Variants in FGFR4 observed in about 807,000 individuals in gnomAD.
FGFR4 encodes the protein hydroxyaryl-protein kinase.
FGFR4 carries 63 observed loss-of-function variants against 89.9 expected under a neutral mutation model. The ratio of observed to expected loss-of-function variants is 0.70; its 90% confidence interval spans 0.57 to 0.86. FGFR4 has a LOEUF of 0.86. FGFR4 is among the 40% of genes least tolerant of loss of function. The probability of loss-of-function intolerance (pLI) is 0.00; values close to 1 mark genes in which losing one functional copy is unlikely to be tolerated. For synonymous variants in FGFR4, 486 were observed against 479.4 expected (o/e 1.01, Z -0.18); for missense variants, 928 against 1,106.7 (o/e 0.84, Z 2.29).
chr5:177,096,677 G>C lies in FGFR4; in HGVS notation c.2089G>C (p.Glu697Gln), dbSNP rs1784576245. 2 of 1,610,698 alleles carry C rather than the reference G, an allele frequency of 1.2e-6. No homozygotes were observed. The highest frequency in any genetic ancestry group is 1.7e-5 in the Admixed American group (1 of 59,610). Residue 697 changes from glutamate to glutamine, a missense_variant, in exon 16 of 18, where the codon GAG becomes CAG. Glu to Gln is a conservative substitution (Grantham distance 29, BLOSUM62 2). Coordinates refer to ENST00000292408, the MANE Select transcript of FGFR4 (RefSeq NM_213647.3). ...GSPYPGIPVE[E>Q]LFSLLREGHR... The stretch of plus-strand genomic sequence containing the variant: ...CCCGTATCCTGGCATCCCGGTGGAG[G>C]AGCTGTTCTCGCTGCTGCGGGAGGG...
In FGFR4 at chr5:177,096,946, CTT is replaced by C. The variant is rs1562077763; in HGVS notation, c.2153+206_2153+207del. Among the ~76,000 whole-genome samples the C allele has an allele frequency of 3.5e-4, 36 of 104,244 alleles. 6 individuals are homozygous for C. The highest frequency in any genetic ancestry group is 1.2e-4 in the Non-Finnish European group (6 of 50,398). 68.4% of individuals were successfully genotyped at this position (104,244 alleles called of 152,430 possible). A position where few individuals can be genotyped will look rare whatever the true frequency, so the allele number is the denominator to read the frequency against. Reference sequence around the variant, plus strand: ...TCCTCCTCCTCTTCCTCCTCCTCCTCTTCCTCCTTCTCCTCCTGCTCCTCTTC... The same window carrying C: ...TCCTCCTCCTCTTCCTCCTCCTCCTCCCTCCTTCTCCTCCTGCTCCTCTTC... On this transcript the variant is annotated intron_variant, in intron 16 of 17. Coordinates refer to ENST00000292408, the MANE Select transcript of FGFR4 (RefSeq NM_213647.3).
chr5:177,087,837 G>C lies in FGFR4; in HGVS notation c.-54+760G>C, dbSNP rs1244136177. Among the ~76,000 whole-genome samples, 1 of 152,094 alleles carries C rather than the reference G, an allele frequency of 6.6e-6. No individual in the cohort carries two copies. Among genetic ancestry groups the C allele is most frequent in the Admixed American group, 6.5e-5 (1 of 15,268 alleles). ...ATGAGGGGCACAGAGGGATGGGCAA[G>C]AGAGCACATGTGCCCAGTTTTGAAA... On this transcript the variant is annotated intron_variant, in intron 1 of 17. Coordinates refer to ENST00000292408, the MANE Select transcript of FGFR4 (RefSeq NM_213647.3). This position sits in a 1 kb window ranked among gnomAD's most constrained non-coding sequence, Gnocchi z 6.1.
rs745557685 is a variant in FGFR4 at position 177,091,800 on chromosome 5, A to G, written c.719A>G (p.Asp240Gly). The change falls in exon 6 of 18, where the codon GAT (aspartate) becomes GGT (glycine). Residue 240 changes from aspartate (D) to glycine (G), a missense_variant. By Grantham distance (94) the Asp-to-Gly change is moderately conservative. Transcript: ENST00000292408. ...VGSIRYNYLL[D>G]VLERSPHRPI... ...AGCATCCGCTATAACTACCTGCTAG[A>G]TGTGCTGGGTGAGCGCGGGGCTGGG... The G allele has an allele frequency of 6.2e-7, 1 of 1,614,030 alleles. No homozygotes were observed. The highest frequency in any genetic ancestry group is 8.5e-7 in the Non-Finnish European group (1 of 1,179,974).
At chr5:177,091,469 G>T (rs934936479) in intron 5 of FGFR4, among the ~76,000 whole-genome samples, 8 of 152,254 alleles carry the variant, frequency 5.3e-5, no homozygotes, top group Admixed American at 1.3e-4. Context: ...CAGCTAGGGA[G>T]AGGGAGAGCT....
chr5:177,091,934 G>A (rs1784381993), intron 6 of FGFR4, 126 bp downstream of exon 6: 2 of 1,308,852 alleles, frequency 1.5e-6, no homozygotes, highest in African/African-American at 1.5e-5. Flanking sequence ...GAGCAGGTGG[G>A]TCAGGGGAAA....
At chr5:177,088,273 C>A (rs780685384) in intron 1 of FGFR4, 1 of 171,774 alleles carries the variant, frequency 5.8e-6, no homozygotes, top group Non-Finnish European at 1.3e-5. Context: ...AGGATGTTCT[C>A]GATCTCCTGA....
chr5:177,095,123 A>G lies in FGFR4; in HGVS notation c.1520-207A>G, dbSNP rs1050083797. ...CATCCTTGCAACTGCTGTGACAGGC[A>G]GGGTGTGACCCACTGCTCTGTTTCC... On this transcript the variant is annotated intron_variant, in intron 11 of 17. Transcript: ENST00000292408. The surrounding 1 kb of genome is among the most constrained non-coding windows in gnomAD (Gnocchi z 5.7). 6.9e-6 allele frequency: 4 copies of G among 577,004 alleles called. No individual in the cohort carries two copies. The highest frequency in any genetic ancestry group is 9.4e-6 in the Non-Finnish European group (3 of 319,340). 35.7% of individuals were successfully genotyped at this position (577,004 alleles called of 1,614,324 possible).
chr5:177,095,871 C>T lies in FGFR4; in HGVS notation c.1821+148C>T. ...GGCATTCACGCTTTCCTGCATTCCC[C>T]ACTCGTTCCTCACCCTTCCCCAGAG... On this transcript the variant is annotated intron_variant, in intron 13 of 17. Transcript: ENST00000292408. This position sits in a 1 kb window ranked among gnomAD's most constrained non-coding sequence, Gnocchi z 5.7. 8.0e-7 allele frequency: 1 copy of T among 1,249,906 alleles called. No homozygotes were observed. The highest frequency in any genetic ancestry group is 1.1e-6 in the Non-Finnish European group (1 of 921,770). 77.4% of individuals were successfully genotyped at this position (1,249,906 alleles called of 1,614,324 possible).
In FGFR4 at chr5:177,097,382, G is replaced by A; in HGVS notation, c.2244G>A (p.Leu748=). The A allele has an allele frequency of 2.5e-6, 4 of 1,611,840 alleles. No individual in the cohort carries two copies. The highest frequency in any genetic ancestry group is 3.4e-6 in the Non-Finnish European group (4 of 1,179,202). The change falls in exon 17 of 18, where the codon CTG becomes CTA. Residue 748 remains leucine, a synonymous_variant. Transcript: ENST00000292408. ...QLVEALDKVL[L]AVSEEYLDLR... ...TGGAGGCGCTGGACAAGGTCCTGCT[G>A]GCCGTCTCTGAGGAGGTACAGCCCC...
rs2149736037 is a variant in FGFR4, at chr5:177,093,573, C to G, written c.1397+22C>G. 1 of 1,612,264 alleles carries G rather than the reference C, an allele frequency of 6.2e-7. No homozygotes were observed. Among genetic ancestry groups the G allele is most frequent in the East Asian group, 2.2e-5 (1 of 44,830 alleles). On this transcript the variant is annotated intron_variant, in intron 10 of 17. Coordinates refer to ENST00000292408, the MANE Select transcript of FGFR4 (RefSeq NM_213647.3). The surrounding 1 kb of genome is among the most constrained non-coding windows in gnomAD (Gnocchi z 5.8). ...ACAGGTGCGCTGAGCTGTGTGGGGG[C>G]AGGGACGCGGGCGCCGGGTTGCAGC...
At position 177,097,110 on chromosome 5, in the gene FGFR4, T is replaced by A; in HGVS notation, c.2154-182T>A. The A allele has an allele frequency of 1.3e-5, 5 of 399,958 alleles. 2 individuals carry two copies. Among genetic ancestry groups the A allele is most frequent in the Non-Finnish European group, 1.2e-5 (3 of 243,306 alleles). 24.8% of individuals were successfully genotyped at this position (399,958 alleles called of 1,614,324 possible). ...TTCCTCCTCCTCCTCCTGCTCCTCT[T>A]CCTCCTCCTCCTCTTCCTCCTCCTC... On this transcript the variant is annotated intron_variant, in intron 16 of 17. Coordinates refer to ENST00000292408, the MANE Select transcript of FGFR4 (RefSeq NM_213647.3).
intron 2 of FGFR4, chr5:177,090,068 AC>A (rs1395316829): frequency 3.7e-5 from 25 of 666,674 alleles, no homozygotes; most frequent in Non-Finnish European, 6.3e-5. Flanking sequence ...GTGCAGCATG[AC>A]CCTGTATGTG....
intron 8 of FGFR4, 26 bp downstream of exon 8, chr5:177,092,810 G>A (rs1348486158): frequency 3.1e-6 from 5 of 1,614,130 alleles, no homozygotes; most frequent in Non-Finnish European, 4.2e-6. Context: ...GCCAGGAGAT[G>A]CTGCGAGATG....
Position 177,097,627 on chromosome 5 carries a change from T to C in FGFR4, c.2360T>C (p.Leu787Pro). Residue 787 changes from leucine to proline, a missense_variant, in exon 18 of 18, where the codon CTG becomes CCG. By Grantham distance (98) the Leu-to-Pro change is moderately conservative. Around this residue, in one of 5 missense-constraint regions of FGFR4, gnomAD observed 129 missense variants for 150.8 expected, o/e 0.86. Transcript: ENST00000292408. ...GATTCTGTCTTCAGCCACGACCCCCTGCCATTGGGATCCAGCTCCTTCCCC... is the reference window on the plus strand; with the variant it reads ...GATTCTGTCTTCAGCCACGACCCCCCGCCATTGGGATCCAGCTCCTTCCCC... ...SSDSVFSHDP[L>P]PLGSSSFPFG... The C allele has an allele frequency of 6.2e-7, 1 of 1,614,198 alleles. No homozygotes were observed. Among genetic ancestry groups the C allele is most frequent in the East Asian group, 2.2e-5 (1 of 44,880 alleles).
In FGFR4 at chr5:177,090,460, T is replaced by A. The variant is rs446382; in HGVS notation, c.162T>A (p.Arg54=). The stretch of plus-strand genomic sequence containing the variant: ...CAGTAGCCCTTGGGCAGCCTGTGCG[T>A]CTGTGCTGTGGGCGGGCTGAGCGTG... ...ELTVALGQPV[R]LCCGRAERGG... The change falls in exon 3 of 18, where the codon CGT becomes CGA. Residue 54 remains arginine, a synonymous_variant. Transcript: ENST00000292408. The A allele has an allele frequency of 2.8e-5, 45 of 1,602,940 alleles. No homozygotes were observed. Among genetic ancestry groups the A allele is most frequent in the Non-Finnish European group, 3.7e-5 (43 of 1,176,316 alleles).
At chr5:177,089,514 A>G (rs1458440805) in intron 1 of FGFR4, 36 bp from the exon 2 acceptor site, 2 of 1,501,072 alleles carry the variant, frequency 1.3e-6, no homozygotes, top group African/African-American at 1.4e-5. Flanking sequence ...ACAAAGGTGC[A>G]CGTGTAGCAG....
At chr5:177,090,347 G>C (rs1483749905) in intron 2 of FGFR4, 43 bp from the exon 3 acceptor site, 2 of 1,599,244 alleles carry the variant, frequency 1.3e-6, no homozygotes, top group East Asian at 2.2e-5. Context: ...GGCTGCCTCA[G>C]ATGGGGCTGC....
chr5:177,096,869 T>TTCCTCTTCCTCCTCCTCCTCTTCCTCC (rs1784590899), intron 16 of FGFR4, 128 bp downstream of exon 16: 1 of 508,114 alleles, frequency 2.0e-6, no homozygotes, highest in Non-Finnish European at 2.8e-6. Context: ...CCTCCTCCTC[T>TTCCTCTTCCTCCTCCTCCTCTTCCTCC]TCCTCTTCCT....
chr5:177,095,779 C>T lies in FGFR4; in HGVS notation c.1821+56C>T. 2.7e-6 allele frequency: 4 copies of T among 1,470,578 alleles called. No individual in the cohort carries two copies. The highest frequency in any genetic ancestry group is 1.8e-6 in the Non-Finnish European group (2 of 1,104,402). 91.1% of individuals were successfully genotyped at this position (1,470,578 alleles called of 1,614,324 possible). A position where few individuals can be genotyped will look rare whatever the true frequency, so the allele number is the denominator to read the frequency against. On this transcript the variant is annotated intron_variant, in intron 13 of 17. Coordinates refer to ENST00000292408, the MANE Select transcript of FGFR4 (RefSeq NM_213647.3). This position sits in a 1 kb window ranked among gnomAD's most constrained non-coding sequence, Gnocchi z 5.7. ...AGTCTCTCCAGCTCCACTCTCAGGC[C>T]TGTGGCATTCAATGTCCCGACTTCT...
Sources: gnomAD v4.1 joint callset for allele counts (sites outside exome capture counted in the v4.1 genomes callset) on GRCh38, gnomAD v4.1.1 for gene constraint, gnomAD v4.1.1 regional missense constraint, Gnocchi (gnomAD v3.1) non-coding constraint, MANE v1.5 for transcripts, NCBI Gene and HGNC (gene_info 2026-07-23, HGNC 2026-07-21) for gene names.